Variants in WFDC10B observed in about 807,000 individuals in gnomAD.
WFDC10B encodes WAP four-disulfide core domain 10B.
WFDC10B carries 1 observed loss-of-function variant against 2.7 expected under a neutral mutation model. The ratio of observed to expected loss-of-function variants is 0.38; its 90% CI spans 0.13 to 1.79. WFDC10B has a LOEUF of 1.79. WFDC10B is among the 40% of genes most tolerant of loss of function. WFDC10B has a pLI of 0.33. For missense variants in WFDC10B, 71 were observed against 87.8 expected, an observed-to-expected ratio of 0.81 and a Z score of 0.76; for synonymous variants, 26 against 32.2, an observed-to-expected ratio of 0.81 and a Z score of 0.65.
chr20:45,704,807 T>C (rs1984324296), intron 1 of WFDC10B, 111 bp downstream of exon 1: 1 of 1,323,714 alleles, frequency 7.6e-7, no homozygotes, highest in African/African-American at 1.4e-5. Context: ...CCACATCCCA[T>C]CACCATATCC....
chr20:45,689,205 T>G (rs561947294), intron 2 of WFDC10B, among the ~76,000 whole-genome samples: 1 of 151,314 alleles, frequency 6.6e-6, no homozygotes, highest in South Asian at 2.1e-4. Flanking sequence ...TCTATATCTC[T>G]GTTTTGGTAC....
At chr20:45,703,345 C>T (rs1984249804) in intron 2 of WFDC10B, among the ~76,000 whole-genome samples, 1 of 152,182 alleles carries the variant, frequency 6.6e-6, no homozygotes, top group Non-Finnish European at 1.5e-5. Context: ...TTGTCAACAG[C>T]TTGAACCTCA....
In WFDC10B at chr20:45,702,884, T is replaced by C. The variant is rs551944934; in HGVS notation, c.-65+1613A>G. On this transcript the variant is annotated intron_variant, in intron 2 of 3. Transcript: ENST00000330523. ...TATTCATCATACATCCACTCTTCTATGGGGAAAACATCTTCAGAATACTGG... is the reference window on the plus strand; with the variant it reads ...TATTCATCATACATCCACTCTTCTACGGGGAAAACATCTTCAGAATACTGG... Among the ~76,000 whole-genome samples the C allele has an allele frequency of 1.2e-3, 186 of 152,260 alleles. 2 individuals are homozygous for C. The highest frequency in any genetic ancestry group is 3.5e-3 in the African/African-American group (144 of 41,544).
chr20:45,688,783 T>C (rs191029389), intron 2 of WFDC10B, among the ~76,000 whole-genome samples: 40 of 151,806 alleles, frequency 2.6e-4, no homozygotes, highest in African/African-American at 9.5e-4. Flanking sequence ...TTTCTCCCAT[T>C]TTATGGGTTG....
intron 2 of WFDC10B, among the ~76,000 whole-genome samples, chr20:45,688,551 A>G (rs200741362): frequency 0.19 from 28,604 of 151,690 alleles, 2,936 homozygotes; most frequent in East Asian, 0.32. Flanking sequence ...GTGTGAGATG[A>G]TATCCCATTG....
At chr20:45,686,815 C>G (rs1287201261) in intron 2 of WFDC10B, among the ~76,000 whole-genome samples, 1 of 152,042 alleles carries the variant, frequency 6.6e-6, no homozygotes, top group African/African-American at 2.4e-5. Flanking sequence ...CATGTGCCAT[C>G]ACACCCAGAT....
At chr20:45,702,323 G>C in intron 2 of WFDC10B, 1 of 1,111,936 alleles carries the variant, frequency 9.0e-7, no homozygotes, top group South Asian at 1.5e-5. Context: ...ATGTTCAAGG[G>C]CCCAAGCTTT....
intron 2 of WFDC10B, among the ~76,000 whole-genome samples, chr20:45,700,387 C>T (rs1984116746): frequency 6.6e-6 from 1 of 151,994 alleles, no homozygotes; most frequent in African/African-American, 2.4e-5. Flanking sequence ...TGAAACCAAG[C>T]AAGGACAATA....
At chr20:45,702,295 T>C (rs943202072) in intron 2 of WFDC10B, 1 of 1,356,512 alleles carries the variant, frequency 7.4e-7, no homozygotes, top group South Asian at 1.3e-5. Flanking sequence ...GTCACACCTC[T>C]TGGAAAAATA....
At chr20:45,691,708 T>G (rs979150963) in intron 2 of WFDC10B, among the ~76,000 whole-genome samples, 5 of 152,184 alleles carry the variant, frequency 3.3e-5, no homozygotes, top group African/African-American at 9.7e-5. Flanking sequence ...TCCTCCACCC[T>G]TTTATTTTGA....
intron 2 of WFDC10B, among the ~76,000 whole-genome samples, chr20:45,689,896 G>A (rs1203131370): frequency 5.9e-5 from 9 of 152,106 alleles, no homozygotes; most frequent in Non-Finnish European, 1.3e-4. Flanking sequence ...GGAGTGGTGA[G>A]AGAGGGCATC....
chr20:45,698,250 C>T (rs753947799), intron 2 of WFDC10B, among the ~76,000 whole-genome samples: 2 of 152,038 alleles, frequency 1.3e-5, no homozygotes, highest in African/African-American at 2.4e-5. Context: ...TTTGGATAGC[C>T]AAAGCAGTCT....
Sources: allele counts gnomAD v4.1 joint callset (sites outside exome capture counted in the v4.1 genomes callset), GRCh38; gene constraint gnomAD v4.1.1; transcripts MANE v1.5; gene names NCBI Gene and HGNC (gene_info 2026-07-23, HGNC 2026-07-21).